SSBP3: variants seen among roughly 807,000 people sequenced by gnomAD.
SSBP3 encodes the protein single stranded DNA binding protein 3, also known as single-stranded DNA-binding protein 3.
SSBP3 carries 5 observed loss-of-function variants against 69.6 expected under a neutral mutation model. The observed-to-expected ratio is 0.07, with a 90% CI of 0.04 to 0.15. SSBP3 has a LOEUF of 0.15. Ranked by LOEUF, SSBP3 falls within the 10% of genes least tolerant of loss-of-function variation. The pLI is 1.00. For synonymous variants in SSBP3, 196 were observed against 193.4 expected, an observed-to-expected ratio of 1.01 and a Z score of -0.11; for missense variants, 312 against 534.0, an observed-to-expected ratio of 0.58 and a Z score of 4.10.
rs1553146711 is a variant in SSBP3 at position 54,369,220 on chromosome 1, G to GGT, written c.276+32640_276+32641insAC. The stretch of plus-strand genomic sequence containing the variant: ...CATGGGAAAAAGTCCTCTTGAGTCG[G>GGT]GGGGGGGGCCCAAGCCAGGCTCCCT... On this transcript the variant is annotated intron_variant, in intron 4 of 17. Transcript: ENST00000610401. 1.9e-4 allele frequency among the ~76,000 whole-genome samples: 29 copies of GGT among 149,554 alleles called. 2 individuals carry two copies. Among genetic ancestry groups the GGT allele is most frequent in the African/African-American group, 6.9e-4 (28 of 40,730 alleles).
intron 4 of SSBP3, among the ~76,000 whole-genome samples, chr1:54,284,469 A>C (rs930930293): frequency 9.2e-5 from 14 of 151,868 alleles, no homozygotes. Flanking sequence ...ATTTAAAAAA[A>C]AAATTAAAAT....
intron 4 of SSBP3, among the ~76,000 whole-genome samples, chr1:54,351,502 G>A (rs1646780037): frequency 1.3e-5 from 2 of 152,198 alleles, no homozygotes; most frequent in Admixed American, 1.3e-4. Context: ...TTCAAGTTAT[G>A]CTCAGGAAGG....
chr1:54,289,213 T>C (rs1014026919), intron 4 of SSBP3, among the ~76,000 whole-genome samples: 9 of 152,108 alleles, frequency 5.9e-5, no homozygotes, highest in African/African-American at 1.9e-4. Context: ...CTTCCCCAAG[T>C]AGGCTGACCT....
chr1:54,368,751 C>T (rs576287484), intron 4 of SSBP3, among the ~76,000 whole-genome samples: 2 of 152,326 alleles, frequency 1.3e-5, no homozygotes, highest in Admixed American at 1.3e-4. Context: ...TGTGCCTGAA[C>T]ATCTCACTGA....
intron 4 of SSBP3, among the ~76,000 whole-genome samples, chr1:54,381,406 A>C (rs866069827): frequency 6.8e-6 from 1 of 146,408 alleles, no homozygotes; most frequent in African/African-American, 2.5e-5. Flanking sequence ...AAAAAAAAAA[A>C]AGAGAGAGAG....
chr1:54,266,113 C>A (rs1322497831), intron 5 of SSBP3, among the ~76,000 whole-genome samples: 1 of 152,246 alleles, frequency 6.6e-6, no homozygotes, highest in African/African-American at 2.4e-5. Flanking sequence ...TTGCCAGCGC[C>A]TCTTTCTCCA....
At chr1:54,315,755 A>G (rs919432764) in intron 4 of SSBP3, among the ~76,000 whole-genome samples, 2 of 151,958 alleles carry the variant, frequency 1.3e-5, no homozygotes, top group South Asian at 2.1e-4. Flanking sequence ...TCAAACCCCC[A>G]AGCTCAAGCA....
At chr1:54,239,434 G>A (rs371468900) in intron 13 of SSBP3, among the ~76,000 whole-genome samples, 10 of 152,158 alleles carry the variant, frequency 6.6e-5, no homozygotes, top group South Asian at 2.1e-4. Context: ...GGGGGATTAC[G>A]GGTTCAAATT....
chr1:54,363,452 A>T (rs1056272945), intron 4 of SSBP3, among the ~76,000 whole-genome samples: 3 of 152,208 alleles, frequency 2.0e-5, no homozygotes, highest in African/African-American at 4.8e-5. Context: ...TATGCTACCA[A>T]ATCAGCAATC....
chr1:54,301,251 T>C (rs573548504), intron 4 of SSBP3, among the ~76,000 whole-genome samples: 1 of 152,298 alleles, frequency 6.6e-6, no homozygotes, highest in South Asian at 2.1e-4. Flanking sequence ...CCTGGACCAT[T>C]TGGCAGGAAG....
intron 4 of SSBP3, among the ~76,000 whole-genome samples, chr1:54,343,536 G>A (rs551510121): frequency 3.3e-5 from 5 of 152,340 alleles, no homozygotes; most frequent in East Asian, 1.9e-4. Context: ...AGTGGCAGGG[G>A]AGCAGGTCTG....
chr1:54,317,409 C>A (rs774233066), intron 4 of SSBP3, among the ~76,000 whole-genome samples: 1 of 151,836 alleles, frequency 6.6e-6, no homozygotes, highest in Non-Finnish European at 1.5e-5. Context: ...TGGTGGCAGG[C>A]GCCTGTGATC....
chr1:54,246,994 A>G (rs1644745488), intron 9 of SSBP3, among the ~76,000 whole-genome samples: 1 of 152,206 alleles, frequency 6.6e-6, no homozygotes, highest in African/African-American at 2.4e-5. Flanking sequence ...TCCCTCTGCC[A>G]CTGGCACCGC....
intron 4 of SSBP3, among the ~76,000 whole-genome samples, chr1:54,309,937 G>T (rs944737584): frequency 1.3e-5 from 2 of 152,140 alleles, no homozygotes; most frequent in African/African-American, 4.8e-5. Flanking sequence ...ATGTTGGTGC[G>T]GGAAGGGGTG....
upstream of SSBP3, among the ~76,000 whole-genome samples, chr1:54,408,948 G>T (rs1254710546): frequency 6.6e-6 from 1 of 152,192 alleles, no homozygotes; most frequent in Non-Finnish European, 1.5e-5. Flanking sequence ...AGAGAGCAGG[G>T]AGAGTGTCTT....
intron 1 of SSBP3, 31 bp downstream of exon 1, chr1:54,405,922 G>C: frequency 8.3e-7 from 1 of 1,208,882 alleles, no homozygotes; most frequent in Non-Finnish European, 1.1e-6. Flanking sequence ...CCCGGCGGCG[G>C]CGCGGCCGCC....
intron 4 of SSBP3, among the ~76,000 whole-genome samples, chr1:54,355,985 G>GAACAGCAAGCTTTAAGCTC (rs1553144671): frequency 1.3e-5 from 2 of 152,182 alleles, no homozygotes; most frequent in Non-Finnish European, 2.9e-5. Context: ...CTAGTGGCAG[G>GAACAGCAAGCTTTAAGCTC]AACAGCAAGC....
chr1:54,322,728 C>G (rs981119703), intron 4 of SSBP3, among the ~76,000 whole-genome samples: 3 of 152,082 alleles, frequency 2.0e-5, no homozygotes, highest in African/African-American at 7.2e-5. Flanking sequence ...TCCCTACCCC[C>G]CAACCCCGGC....
At chr1:54,369,167 C>T (rs17110517) in intron 4 of SSBP3, among the ~76,000 whole-genome samples, 6,162 of 148,028 alleles carry the variant, frequency 0.042, 155 homozygotes, top group East Asian at 0.078. Flanking sequence ...AAACTGCGAC[C>T]GTTGATTTTC....
Sources: gnomAD v4.1 joint callset for allele counts (sites outside exome capture counted in the v4.1 genomes callset) on GRCh38, gnomAD v4.1.1 for gene constraint, MANE v1.5 for transcripts, NCBI Gene and HGNC (gene_info 2026-07-23, HGNC 2026-07-21) for gene names.